KCNIP1: variants seen among roughly 807,000 people sequenced by gnomAD.
KCNIP1 encodes potassium voltage-gated channel interacting protein 1.
KCNIP1 carries 18 observed loss-of-function variants against 33.0 expected under a neutral mutation model. That is an observed-to-expected ratio of 0.55 (90% CI 0.38 to 0.81). The LOEUF is 0.81. KCNIP1 is among the 30% of genes least tolerant of loss of function. The pLI, the probability that KCNIP1 is intolerant of heterozygous loss-of-function variation, is 0.00. For missense variants in KCNIP1, 238 were observed against 271.6 expected (o/e 0.88, Z 0.87); for synonymous variants, 93 against 98.3 (o/e 0.95, Z 0.32).
intron 1 of KCNIP1, among the ~76,000 whole-genome samples, chr5:170,666,478 C>T (rs1019943867): frequency 6.6e-6 from 1 of 152,184 alleles, no homozygotes; most frequent in African/African-American, 2.4e-5. Context: ...TTATAATTTT[C>T]ATAATGGGCT....
At chr5:170,506,123 G>A (rs1308817419) in intron 1 of KCNIP1, among the ~76,000 whole-genome samples, 1 of 152,184 alleles carries the variant, frequency 6.6e-6, no homozygotes, top group Admixed American at 6.5e-5. Context: ...TGTGGGGACA[G>A]GAAAGTCAGG....
chr5:170,438,681 T>C (rs565405882), intron 1 of KCNIP1, among the ~76,000 whole-genome samples: 6 of 152,098 alleles, frequency 3.9e-5, no homozygotes, highest in Non-Finnish European at 8.8e-5. Context: ...TACACGAAGC[T>C]CTAAAGTCAG....
intron 1 of KCNIP1, among the ~76,000 whole-genome samples, chr5:170,606,629 T>C (rs1449110295): frequency 2.0e-5 from 3 of 152,140 alleles, no homozygotes; most frequent in African/African-American, 7.2e-5. Context: ...ACTGGGCAGT[T>C]TGGGACCCGG....
At chr5:170,595,673 A>C (rs1758418251) in intron 1 of KCNIP1, among the ~76,000 whole-genome samples, 1 of 152,216 alleles carries the variant, frequency 6.6e-6, no homozygotes, top group South Asian at 2.1e-4. Flanking sequence ...AATCTTTCTA[A>C]CATCTCTGCA....
intron 1 of KCNIP1, among the ~76,000 whole-genome samples, chr5:170,423,975 A>G (rs1755557367): frequency 6.6e-6 from 1 of 152,266 alleles, no homozygotes; most frequent in Non-Finnish European, 1.5e-5. Flanking sequence ...CAAATTCCCC[A>G]TAGTGTAGAA....
intron 1 of KCNIP1, among the ~76,000 whole-genome samples, chr5:170,611,806 G>A (rs1452916428): frequency 6.6e-6 from 1 of 152,210 alleles, no homozygotes; most frequent in East Asian, 1.9e-4. Context: ...ACAGGCAGTG[G>A]GGCTGGGAAG....
At chr5:170,541,396 A>G (rs111256654) in intron 1 of KCNIP1, among the ~76,000 whole-genome samples, 2 of 152,158 alleles carry the variant, frequency 1.3e-5, no homozygotes, top group African/African-American at 2.4e-5. Context: ...CTGAACTCAT[A>G]ATCAGCTTTT....
In KCNIP1 at chr5:170,587,421, C is replaced by CAA. The variant is rs56358014; in HGVS notation, c.61+82812_61+82813dup. Among the ~76,000 whole-genome samples, 359 of 70,322 alleles carry CAA rather than the reference C, an allele frequency of 5.1e-3. 5 individuals are homozygous for CAA. The highest frequency in any genetic ancestry group is 0.017 in the African/African-American group (319 of 18,398). The allele number at this position is 70,322 out of a possible 152,430, so 46.1% of individuals were successfully genotyped here. On this transcript the variant is annotated intron_variant, in intron 1 of 7. Coordinates refer to ENST00000328939, the MANE Select transcript of KCNIP1 (RefSeq NM_014592.4). Reference sequence around the variant, plus strand: ...TGGGCAACAGAGCGAGACTCTGTCTCAAAAAAAAAAAAAAAAAAAAAAAAA... The same window carrying CAA: ...TGGGCAACAGAGCGAGACTCTGTCTCAAAAAAAAAAAAAAAAAAAAAAAAAAA...
intron 1 of KCNIP1, among the ~76,000 whole-genome samples, chr5:170,578,637 C>A (rs947565034): frequency 2.0e-5 from 3 of 151,812 alleles, no homozygotes; most frequent in Non-Finnish European, 1.5e-5. Context: ...ACATTCCAGG[C>A]GATAAGGACC....
chr5:170,541,694 A>G (rs1419440971), intron 1 of KCNIP1, among the ~76,000 whole-genome samples: 1 of 152,122 alleles, frequency 6.6e-6, no homozygotes, highest in Non-Finnish European at 1.5e-5. Context: ...CCAAGCCATA[A>G]TGATAAAGTA....
At chr5:170,530,958 G>A (rs1755766313) in intron 1 of KCNIP1, among the ~76,000 whole-genome samples, 1 of 152,192 alleles carries the variant, frequency 6.6e-6, no homozygotes, top group Non-Finnish European at 1.5e-5. Flanking sequence ...TCTAGCTGGG[G>A]TGGCCTCCAA....
At chr5:170,651,192 C>T (rs915300252) in intron 1 of KCNIP1, among the ~76,000 whole-genome samples, 16 of 152,274 alleles carry the variant, frequency 1.1e-4, no homozygotes, top group African/African-American at 3.6e-4. Context: ...ACAGTCAGGG[C>T]TCCCAGAGAT....
intron 1 of KCNIP1, among the ~76,000 whole-genome samples, chr5:170,709,381 C>G (rs143148268): frequency 1.3e-5 from 2 of 152,278 alleles, no homozygotes; most frequent in East Asian, 3.9e-4. Context: ...CAGATGGGCC[C>G]TTTTACATAA....
chr5:170,452,664 T>G (rs1158609085), intron 1 of KCNIP1, among the ~76,000 whole-genome samples: 2 of 152,200 alleles, frequency 1.3e-5, no homozygotes, highest in African/African-American at 4.8e-5. Context: ...ATCAAATCTG[T>G]CTTTTGCCAC....
intron 1 of KCNIP1, among the ~76,000 whole-genome samples, chr5:170,442,302 A>T (rs942532857): frequency 4.6e-5 from 7 of 152,184 alleles, no homozygotes; most frequent in Admixed American, 1.3e-4. Flanking sequence ...TGGAGAGGTC[A>T]TCGGGGCCAG....
intron 4 of KCNIP1, 134 bp from the exon 5 acceptor site, chr5:170,722,579 C>G: frequency 1.4e-6 from 1 of 706,526 alleles, no homozygotes; most frequent in South Asian, 1.6e-5. Flanking sequence ...CAGAGCATAG[C>G]CACATCCTCC....
intron 1 of KCNIP1, among the ~76,000 whole-genome samples, chr5:170,495,855 G>C (rs559278898): frequency 6.6e-6 from 1 of 152,294 alleles, no homozygotes. Context: ...TCAGTCCTCA[G>C]CACGAGGGCA....
intron 1 of KCNIP1, among the ~76,000 whole-genome samples, chr5:170,361,625 C>T (rs569313390): frequency 6.6e-6 from 1 of 152,240 alleles, no homozygotes; most frequent in East Asian, 1.9e-4. Context: ...TACAAAGACA[C>T]GGTGGCTTAT....
chr5:170,531,547 T>C (rs59309320), intron 1 of KCNIP1, among the ~76,000 whole-genome samples: 2,298 of 152,298 alleles, frequency 0.015, 69 homozygotes, highest in African/African-American at 0.052. Flanking sequence ...ATTCCCATCA[T>C]TGGTAACATC....
Sources: gnomAD v4.1 joint callset for allele counts (sites outside exome capture counted in the v4.1 genomes callset) on GRCh38, gnomAD v4.1.1 for gene constraint, MANE v1.5 for transcripts, NCBI Gene and HGNC (gene_info 2026-07-23, HGNC 2026-07-21) for gene names.